Variants in ST6GALNAC5 observed in about 807,000 individuals in gnomAD.
ST6GALNAC5 encodes the protein alpha-N-acetylgalactosaminide alpha-2,6-sialyltransferase 5.
Under a neutral mutation model 33.6 loss-of-function variants are expected in ST6GALNAC5, and 27 were observed. That is an observed-to-expected ratio of 0.80 (90% confidence interval 0.59 to 1.11). The LOEUF (loss-of-function observed/expected upper bound fraction) is 1.11. Among genes scored for constraint, ST6GALNAC5 ranks in the 50% least tolerant of loss-of-function variants. The pLI, the probability that ST6GALNAC5 is intolerant of heterozygous loss-of-function variation, is 0.00. For synonymous variants in ST6GALNAC5, 194 were observed against 171.2 expected, an observed-to-expected ratio of 1.13 and a Z score of -1.04; for missense variants, 428 against 454.0, an observed-to-expected ratio of 0.94 and a Z score of 0.52.
At chr1:77,023,710 TG>T (rs1316850732) in intron 2 of ST6GALNAC5, among the ~76,000 whole-genome samples, 1 of 152,194 alleles carries the variant, frequency 6.6e-6, no homozygotes, top group Non-Finnish European at 1.5e-5. Flanking sequence ...TTTATTATAT[TG>T]TTTTTTAAAA....
intron 4 of ST6GALNAC5, among the ~76,000 whole-genome samples, chr1:77,052,953 G>A (rs991865853): frequency 1.3e-5 from 2 of 151,114 alleles, no homozygotes; most frequent in African/African-American, 4.9e-5. Flanking sequence ...TTTTAAGGGG[G>A]GCTTCAAAGA....
rs1341449545 is a variant in ST6GALNAC5, at chr1:77,003,626, G to C, written c.262-40578G>C. On this transcript the variant is annotated intron_variant, in intron 2 of 4. Coordinates refer to ENST00000477717, the MANE Select transcript of ST6GALNAC5 (RefSeq NM_030965.3). ...TTTTGGCATGATTTTGCAGCGGCTG[G>C]TACTGGTTGTTCCTTTCCATGTTTA... is the stretch of plus-strand genomic sequence containing the variant. 9.7e-4 allele frequency among the ~76,000 whole-genome samples: 148 copies of C among 152,132 alleles called. 1 individual carries two copies. The South Asian group carries it at 0.029, about 30-fold the overall frequency.
At chr1:76,899,649 G>A (rs949719246) in intron 2 of ST6GALNAC5, among the ~76,000 whole-genome samples, 13 of 152,152 alleles carry the variant, frequency 8.5e-5, no homozygotes, top group African/African-American at 2.2e-4. Context: ...TCCCTAGTCC[G>A]TGACTGGTGC....
At chr1:76,994,558 T>C (rs1205228886) in intron 2 of ST6GALNAC5, among the ~76,000 whole-genome samples, 2 of 152,216 alleles carry the variant, frequency 1.3e-5, no homozygotes, top group Non-Finnish European at 2.9e-5. Flanking sequence ...AGAATATGAA[T>C]GACATGTATT....
chr1:76,957,193 T>A (rs762611953), intron 2 of ST6GALNAC5, among the ~76,000 whole-genome samples: 14 of 152,190 alleles, frequency 9.2e-5, no homozygotes, highest in Non-Finnish European at 1.6e-4. Context: ...AAATCTTAAA[T>A]GGAGGTATTG....
At chr1:77,056,459 G>A (rs1040136623) in intron 4 of ST6GALNAC5, among the ~76,000 whole-genome samples, 6 of 152,074 alleles carry the variant, frequency 3.9e-5, no homozygotes, top group African/African-American at 7.2e-5. Flanking sequence ...ATTAATTAGC[G>A]GGGTAATGAT....
chr1:77,023,332 C>A (rs1651121347), intron 2 of ST6GALNAC5, among the ~76,000 whole-genome samples: 1 of 152,170 alleles, frequency 6.6e-6, no homozygotes, highest in African/African-American at 2.4e-5. Context: ...AAACTAAAAC[C>A]CCCTTGCACA....
intron 2 of ST6GALNAC5, among the ~76,000 whole-genome samples, chr1:77,006,819 G>C (rs1450920630): frequency 1.3e-5 from 2 of 152,138 alleles, no homozygotes; most frequent in South Asian, 4.2e-4. Context: ...GGTCTCTGTT[G>C]GCCTAGCTCA....
chr1:77,047,046 T>A (rs1008621522), intron 3 of ST6GALNAC5, among the ~76,000 whole-genome samples: 2 of 152,246 alleles, frequency 1.3e-5, no homozygotes, highest in Admixed American at 1.3e-4. Context: ...CTGGTCGTCC[T>A]GGCTGGTACG....
intron 2 of ST6GALNAC5, among the ~76,000 whole-genome samples, chr1:76,919,955 C>G (rs1374426947): frequency 6.6e-6 from 1 of 152,050 alleles, no homozygotes. Flanking sequence ...TCAGAAAACA[C>G]TATAAATACG....
At chr1:77,042,719 G>A (rs1022557597) in intron 2 of ST6GALNAC5, among the ~76,000 whole-genome samples, 5 of 152,210 alleles carry the variant, frequency 3.3e-5, no homozygotes, top group African/African-American at 4.8e-5. Flanking sequence ...AGGTTCAACC[G>A]TATGCAGTTG....
intron 2 of ST6GALNAC5, among the ~76,000 whole-genome samples, chr1:77,006,699 C>A (rs1256689647): frequency 6.6e-6 from 1 of 152,160 alleles, no homozygotes; most frequent in African/African-American, 2.4e-5. Flanking sequence ...TGTCAGTTAC[C>A]TATTGCTATG....
intron 2 of ST6GALNAC5, among the ~76,000 whole-genome samples, chr1:76,932,297 C>T (rs1647151511): frequency 6.6e-6 from 1 of 152,046 alleles, no homozygotes; most frequent in African/African-American, 2.4e-5. Flanking sequence ...CGAGTGGCAT[C>T]ACAAAGAATT....
In ST6GALNAC5 at chr1:77,044,562, A is replaced by G; in HGVS notation, c.620A>G (p.His207Arg). 6.3e-7 allele frequency: 1 copy of G among 1,592,630 alleles called. No individual in the cohort carries two copies. The highest frequency in any genetic ancestry group is 8.6e-7 in the Non-Finnish European group (1 of 1,167,904). The change falls in exon 3 of 5, where the codon CAC becomes CGC. Residue 207 changes from histidine to arginine, a missense_variant. Physicochemically the swap from His to Arg is conservative, Grantham distance 29. Transcript: ENST00000477717. The part of the protein sequence containing the change: ...PRLKAFMITR[H>R]KMLQFDELFK... ...CTGAAGGCCTTCATGATTACTCGCC[A>G]CAAGATGCTGCAGTTTGATGAGCTC...
At chr1:77,041,069 T>C (rs571465162) in intron 2 of ST6GALNAC5, among the ~76,000 whole-genome samples, 1 of 152,386 alleles carries the variant, frequency 6.6e-6, no homozygotes, top group East Asian at 1.9e-4. Flanking sequence ...TCTGTTCAGC[T>C]GAGACTATTT....
intron 4 of ST6GALNAC5, among the ~76,000 whole-genome samples, chr1:77,061,438 C>A (rs559476407): frequency 6.6e-6 from 1 of 152,136 alleles, no homozygotes; most frequent in African/African-American, 2.4e-5. Flanking sequence ...CTGAAGAAAA[C>A]GAATAGGTGT....
chr1:76,990,393 C>G (rs954204229), intron 2 of ST6GALNAC5, among the ~76,000 whole-genome samples: 6 of 152,186 alleles, frequency 3.9e-5, no homozygotes, highest in East Asian at 3.9e-4. Context: ...TGAACTCAAA[C>G]AGCAGTTACC....
chr1:76,878,551 G>A (rs906542602), intron 2 of ST6GALNAC5, among the ~76,000 whole-genome samples: 11 of 152,092 alleles, frequency 7.2e-5, no homozygotes, highest in Non-Finnish European at 1.2e-4. Context: ...CAGGTACCCT[G>A]GTAAAAGGCT....
intron 2 of ST6GALNAC5, among the ~76,000 whole-genome samples, chr1:76,950,647 A>G (rs1240086189): frequency 3.9e-5 from 6 of 152,148 alleles, no homozygotes; most frequent in Non-Finnish European, 8.8e-5. Context: ...AGAGCTGGCT[A>G]GATTTGGGGA....
Sources: gnomAD v4.1 joint callset for allele counts (sites outside exome capture counted in the v4.1 genomes callset) on GRCh38, gnomAD v4.1.1 for gene constraint, MANE v1.5 for transcripts, NCBI Gene and HGNC (gene_info 2026-07-23, HGNC 2026-07-21) for gene names.